MTUS1: variants seen among roughly 807,000 people sequenced by gnomAD.
MTUS1 encodes microtubule associated scaffold protein 1.
Under a neutral mutation model 120.8 loss-of-function variants are expected in MTUS1, and 109 were observed. That is an observed-to-expected ratio of 0.90 (90% CI 0.77 to 1.06). The LOEUF is 1.06. Ranked by LOEUF, MTUS1 falls within the 50% of genes least tolerant of loss-of-function variation. MTUS1 has a pLI of 0.00. For missense variants in MTUS1, 2,210 were observed against 1,486.3 expected, an observed-to-expected ratio of 1.49 and a Z score of -8.01; for synonymous variants, 737 against 550.5, an observed-to-expected ratio of 1.34 and a Z score of -4.74.
intron 8 of MTUS1, among the ~76,000 whole-genome samples, chr8:17,663,090 T>C (rs961747912): frequency 5.4e-5 from 5 of 91,922 alleles, no homozygotes; most frequent in African/African-American, 1.5e-4. Context: ...TGAAATGCTT[T>C]AAGTTTTGCT....
intron 2 of MTUS1, among the ~76,000 whole-genome samples, chr8:17,749,246 C>T (rs932881545): frequency 1.1e-4 from 17 of 152,102 alleles, no homozygotes; most frequent in South Asian, 8.3e-4. Context: ...CCCCTGAAGC[C>T]GGCTACCTGA....
At chr8:17,736,088 G>C (rs1172522502) in intron 3 of MTUS1, among the ~76,000 whole-genome samples, 1 of 152,156 alleles carries the variant, frequency 6.6e-6, no homozygotes. Context: ...GCCCAACACA[G>C]AGCAGCGACT....
chr8:17,743,817 A>T lies in MTUS1; in HGVS notation c.2092-18T>A, dbSNP rs771013719. ...GCAGAGCCCTGTGAAAATAACAGTT[A>T]AGACTGTAAACCAAAACTAAAATTC... On this transcript the variant is annotated intron_variant, in intron 2 of 14. Coordinates refer to ENST00000693296, the MANE Select transcript of MTUS1 (RefSeq NM_001363059.2). 1.2e-6 allele frequency: 2 copies of T among 1,605,818 alleles called. No homozygotes were observed. Among genetic ancestry groups the T allele is most frequent in the Non-Finnish European group, 1.7e-6 (2 of 1,175,014 alleles).
At chr8:17,729,304 C>T (rs778578793) in intron 3 of MTUS1, among the ~76,000 whole-genome samples, 9 of 152,130 alleles carry the variant, frequency 5.9e-5, no homozygotes, top group Non-Finnish European at 1.3e-4. Flanking sequence ...GGTCCACTTC[C>T]AATTAAGCTT....
chr8:17,700,905 C>G (rs1487151852), intron 6 of MTUS1, among the ~76,000 whole-genome samples: 1 of 91,010 alleles, frequency 1.1e-5, no homozygotes, highest in Non-Finnish European at 2.6e-5. Context: ...TATATTCAAA[C>G]AAACAGAAAT....
Position 17,697,301 on chromosome 8 carries a change from C to T in MTUS1, c.2624-12759G>A, listed in dbSNP as rs369097965. Reference sequence around the variant, plus strand: ...GCTTCTCCTAAACCCTGAAGGAAGTCGAAGGTTTCGAAGCAATCCTTTGGC... The same window carrying T: ...GCTTCTCCTAAACCCTGAAGGAAGTTGAAGGTTTCGAAGCAATCCTTTGGC... On this transcript the variant is annotated intron_variant, in intron 6 of 14. Transcript: ENST00000693296. The T allele has an allele frequency of 2.0e-5, 33 of 1,613,926 alleles. 1 individual carries two copies. In the East Asian group the frequency reaches 4.2e-4, roughly 21 times the overall value.
rs367638294 is a variant in MTUS1, at chr8:17,655,995, G to C, written c.2976C>G (p.Phe992Leu). ...TTTTTTCAGCCTGGTGCTGCTGGAC[G>C]AATGCTTCATACACTGTTTGTAACT... ...RNELQTVYEA[F>L]VQQHQAEKTE... The change falls in exon 9 of 15, where the codon TTC (phenylalanine) becomes TTG (leucine). Residue 992 changes from phenylalanine (F) to leucine (L), a missense_variant. Physicochemically the swap from Phe to Leu is conservative, Grantham distance 22 (BLOSUM62 0). Coordinates refer to ENST00000693296, the MANE Select transcript of MTUS1 (RefSeq NM_001363059.2). The C allele has an allele frequency of 6.2e-7, 1 of 1,614,168 alleles. No individual in the cohort carries two copies. The highest frequency in any genetic ancestry group is 8.5e-7 in the Non-Finnish European group (1 of 1,180,024).
At chr8:17,653,607 G>A (rs905732311) in intron 10 of MTUS1, 109 bp from the exon 11 acceptor site, 19 of 757,728 alleles carry the variant, frequency 2.5e-5, no homozygotes, top group East Asian at 5.3e-5. Flanking sequence ...GCCGTATGAC[G>A]TTACTTTACA....
At position 17,723,751 on chromosome 8, in the gene MTUS1, T is replaced by C. The variant is rs1305539695; in HGVS notation, c.2370A>G (p.Lys790=). 3 of 1,610,738 alleles carry C rather than the reference T, an allele frequency of 1.9e-6. No homozygotes were observed. In the East Asian group the frequency reaches 6.7e-5, roughly 36 times the overall value. ...TTCCTGTCCTCCGCAGCGCAGGACT[T>C]TTCAAAGATGCTTTGGATTTAGGAA... is the stretch of plus-strand genomic sequence containing the variant. ...RPLPKSKASL[K]SPALRRTGST... is the part of the protein sequence containing the mutation. The change falls in exon 4 of 15, where the codon AAA becomes AAG. Residue 790 remains lysine, a synonymous_variant. Transcript: ENST00000693296.
chr8:17,699,745 G>A (rs1040578881), intron 6 of MTUS1, among the ~76,000 whole-genome samples: 1 of 152,194 alleles, frequency 6.6e-6, no homozygotes, highest in African/African-American at 2.4e-5. Context: ...CCTGGTGGCC[G>A]TGCAGCACAA....
Position 17,686,199 on chromosome 8 carries a change from A to T in MTUS1, c.2624-1657T>A, listed in dbSNP as rs983939654. On this transcript the variant is annotated intron_variant, in intron 6 of 14. Transcript: ENST00000693296. The stretch of plus-strand genomic sequence containing the variant: ...TCTTCCCTGGATGTAGACAACTTCT[A>T]TGGGAATCCAGATTCAAAGTCAGAA... Among the ~76,000 whole-genome samples the T allele has an allele frequency of 3.3e-5, 5 of 152,342 alleles. No homozygotes were observed. The East Asian group carries it at 9.6e-4, about 29-fold the overall frequency.
chr8:17,724,088 A>G, intron 3 of MTUS1: 1 of 563,862 alleles, frequency 1.8e-6, no homozygotes, highest in East Asian at 3.6e-5. Context: ...TGTCTCCTAA[A>G]GTAATTAACT....
chr8:17,706,200 CTGACT>C (rs1221615693), intron 6 of MTUS1: 5 of 152,100 alleles, frequency 3.3e-5, no homozygotes, highest in Non-Finnish European at 7.3e-5. Flanking sequence ...TTCCTAGCAG[CTGACT>C]TAACTATTAT....
intron 6 of MTUS1, among the ~76,000 whole-genome samples, chr8:17,696,293 G>C (rs1020913556): frequency 6.6e-6 from 1 of 152,110 alleles, no homozygotes; most frequent in African/African-American, 2.4e-5. Flanking sequence ...CCACAGAGAA[G>C]GGAGATGCCT....
chr8:17,775,261 T>G (rs1362884695), intron 1 of MTUS1, among the ~76,000 whole-genome samples: 2 of 152,134 alleles, frequency 1.3e-5, no homozygotes, highest in Non-Finnish European at 2.9e-5. Context: ...GTTATATATA[T>G]TTTACCATAA....
chr8:17,763,993 T>G (rs561131617), intron 1 of MTUS1, among the ~76,000 whole-genome samples: 1 of 152,178 alleles, frequency 6.6e-6, no homozygotes, highest in African/African-American at 2.4e-5. Flanking sequence ...GAATCCCTCC[T>G]TGGAGGATTA....
intron 8 of MTUS1, among the ~76,000 whole-genome samples, chr8:17,668,179 C>T (rs1241787141): frequency 6.6e-6 from 1 of 152,164 alleles, no homozygotes. Flanking sequence ...CGGCCCAACA[C>T]AAATTTGTAA....
intron 3 of MTUS1, among the ~76,000 whole-genome samples, chr8:17,730,650 C>A (rs2046510755): frequency 6.6e-6 from 1 of 152,178 alleles, no homozygotes; most frequent in Non-Finnish European, 1.5e-5. Flanking sequence ...GAATACTATT[C>A]TGCCTTAAAA....
intron 1 of MTUS1, among the ~76,000 whole-genome samples, chr8:17,763,339 A>C (rs1174207701): frequency 6.6e-6 from 1 of 152,060 alleles, no homozygotes; most frequent in Non-Finnish European, 1.5e-5. Flanking sequence ...TTGGACTCTT[A>C]ATTTATGCTT....
Sources: allele counts gnomAD v4.1 joint callset (sites outside exome capture counted in the v4.1 genomes callset), GRCh38; gene constraint gnomAD v4.1.1; transcripts MANE v1.5; gene names NCBI Gene and HGNC (gene_info 2026-07-23, HGNC 2026-07-21).